Variants in SNX13 observed in about 807,000 individuals in gnomAD.
SNX13 encodes sorting nexin 13.
A neutral mutation model predicts 133.6 loss-of-function variants in SNX13; 45 were observed. The observed-to-expected ratio is 0.34, with a 90% confidence interval of 0.27 to 0.43. The LOEUF (loss-of-function observed/expected upper bound fraction) is 0.43, where lower values mean the gene tolerates loss of function less well. Ranked by LOEUF, SNX13 falls within the 20% of genes least tolerant of loss-of-function variation. The probability of loss-of-function intolerance (pLI) is 1.00; values close to 1 mark genes in which losing one functional copy is unlikely to be tolerated. For missense variants in SNX13, 1,032 were observed against 1,145.1 expected, an observed-to-expected ratio of 0.90 and a Z score of 1.43; for synonymous variants, 414 against 373.9, an observed-to-expected ratio of 1.11 and a Z score of -1.24.
intron 1 of SNX13, among the ~76,000 whole-genome samples, chr7:17,919,566 A>G (rs746227694): frequency 2.0e-5 from 3 of 152,216 alleles, no homozygotes; most frequent in African/African-American, 4.8e-5. Flanking sequence ...AACTGTATCT[A>G]TAAAACACAA....
intron 1 of SNX13, among the ~76,000 whole-genome samples, chr7:17,937,478 C>A (rs1397518970): frequency 7.1e-6 from 1 of 140,160 alleles, no homozygotes; most frequent in African/African-American, 2.7e-5. Flanking sequence ...CGCGCCACTG[C>A]ACTCCAGCCT....
chr7:17,935,052 G>T (rs1801864833), intron 1 of SNX13, among the ~76,000 whole-genome samples: 1 of 152,134 alleles, frequency 6.6e-6, no homozygotes. Context: ...TCAATATGTT[G>T]AAAGGATATC....
Position 17,905,444 on chromosome 7 carries a change from TG to T in SNX13, c.13-7999del, listed in dbSNP as rs557558525. ...ATACCACATTGATTCACAGAGTGTT[TG>T]GGGAATACAGAAAAGATAATGCCTT... On this transcript the variant is annotated intron_variant, in intron 1 of 25. Coordinates refer to ENST00000428135, the MANE Select transcript of SNX13 (RefSeq NM_015132.5). Among the ~76,000 whole-genome samples the T allele has an allele frequency of 4.9e-3, 746 of 152,324 alleles. 5 individuals carry two copies. The highest frequency in any genetic ancestry group is 0.017 in the African/African-American group (718 of 41,574).
At chr7:17,913,283 C>A (rs1799197822) in intron 1 of SNX13, among the ~76,000 whole-genome samples, 2 of 152,172 alleles carry the variant, frequency 1.3e-5, no homozygotes, top group African/African-American at 4.8e-5. Context: ...CCCACCACTC[C>A]CCAGTGCACT....
At chr7:17,828,284 A>G (rs1444400466) in intron 16 of SNX13, among the ~76,000 whole-genome samples, 16 of 151,806 alleles carry the variant, frequency 1.1e-4, no homozygotes, top group Admixed American at 9.9e-4. Context: ...ATTAAAAGAC[A>G]ATTGTGATTT....
Position 17,875,657 on chromosome 7 carries a change from T to G in SNX13, c.562+12A>C. 4 of 1,608,254 alleles carry G rather than the reference T, an allele frequency of 2.5e-6. No individual in the cohort carries two copies. The highest frequency in any genetic ancestry group is 3.4e-6 in the Non-Finnish European group (4 of 1,177,218). On this transcript the variant is annotated intron_variant, in intron 6 of 25. Coordinates refer to ENST00000428135, the MANE Select transcript of SNX13 (RefSeq NM_015132.5). ...TTCAAATCCTAGTTTTCAAATGGAA[T>G]AAAGATATTACCTTTCACTTGATCA...
At chr7:17,824,492 A>G (rs542639365) in intron 17 of SNX13, among the ~76,000 whole-genome samples, 1 of 152,296 alleles carries the variant, frequency 6.6e-6, no homozygotes, top group East Asian at 1.9e-4. Context: ...AATGTAATGA[A>G]TTAGTTCCAT....
intron 9 of SNX13, among the ~76,000 whole-genome samples, chr7:17,857,063 C>T (rs1791998691): frequency 6.6e-6 from 1 of 151,956 alleles, no homozygotes; most frequent in African/African-American, 2.4e-5. Flanking sequence ...TATACTACAA[C>T]TGATACAACT....
chr7:17,831,266 A>G (rs1468241045), intron 15 of SNX13: 2 of 981,410 alleles, frequency 2.0e-6, no homozygotes, highest in African/African-American at 3.5e-5. Context: ...ATTAGAAAAC[A>G]AAAGAAAGCA....
Position 17,834,105 on chromosome 7 carries a change from TC to T in SNX13, c.1543del (p.Glu515SerfsTer5). The T allele has an allele frequency of 6.3e-7, 1 of 1,591,538 alleles. No individual in the cohort carries two copies. The highest frequency in any genetic ancestry group is 8.6e-7 in the Non-Finnish European group (1 of 1,166,032). ...ACTAGGATCTTTTAACATGTCAAGC[TC>T]AGCTAACATGCGCACATAAAGTGCA... Reference protein sequence around the residue: ...QNALYVRMLAELDMLKDPSFR... With the variant: ...QNALYVRMLAXLDMLKDPSFR... On this transcript the variant is annotated frameshift_variant, in exon 15 of 26. Transcript: ENST00000428135. LOFTEE classifies it high-confidence loss of function.
intron 5 of SNX13, among the ~76,000 whole-genome samples, chr7:17,883,411 C>T (rs1390060765): frequency 1.3e-5 from 2 of 152,130 alleles, no homozygotes; most frequent in Non-Finnish European, 2.9e-5. Flanking sequence ...ATGTTAACTA[C>T]TTTAGTAAAC....
chr7:17,890,176 C>T (rs1796476265), intron 5 of SNX13, 187 bp downstream of exon 5: 3 of 451,634 alleles, frequency 6.6e-6, no homozygotes, highest in Non-Finnish European at 1.1e-5. Context: ...CTGTAAAAAC[C>T]TAAAATCTGG....
At chr7:17,867,666 C>T (rs1014558976) in intron 9 of SNX13, among the ~76,000 whole-genome samples, 1 of 151,456 alleles carries the variant, frequency 6.6e-6, no homozygotes, top group African/African-American at 2.4e-5. Context: ...TCTGACAATG[C>T]CTAAGGGAAA....
At chr7:17,798,578 A>G in intron 24 of SNX13, 112 bp downstream of exon 24, 1 of 772,898 alleles carries the variant, frequency 1.3e-6, no homozygotes. Context: ...CATCAATGAT[A>G]ACTAAACCAA....
intron 20 of SNX13, among the ~76,000 whole-genome samples, chr7:17,808,033 A>G (rs1785523995): frequency 6.6e-6 from 1 of 152,154 alleles, no homozygotes; most frequent in South Asian, 2.1e-4. Flanking sequence ...AATTCCAAAA[A>G]CCAGAACGCA....
intron 1 of SNX13, among the ~76,000 whole-genome samples, chr7:17,925,827 G>A (rs1306940618): frequency 6.6e-6 from 1 of 152,110 alleles, no homozygotes; most frequent in Non-Finnish European, 1.5e-5. Flanking sequence ...AGAAAAAGAG[G>A]AGAAAGTGGA....
chr7:17,801,041 T>TATATATATCC, intron 22 of SNX13, among the ~76,000 whole-genome samples: 1 of 23,498 alleles, frequency 4.3e-5, no homozygotes, highest in African/African-American at 1.3e-4. Context: ...TATATATATA[T>TATATATATCC]ATATATATAT....
At chr7:17,851,121 A>G (rs1408153083) in intron 9 of SNX13, among the ~76,000 whole-genome samples, 157 bp from the exon 10 acceptor site, 1 of 152,228 alleles carries the variant, frequency 6.6e-6, no homozygotes, top group East Asian at 1.9e-4. Context: ...CTATTTTCCA[A>G]TGGATCTTAG....
At chr7:17,940,234 C>G in intron 1 of SNX13, 50 bp downstream of exon 1, 27 of 1,552,028 alleles carry the variant, frequency 1.7e-5, no homozygotes, top group Non-Finnish European at 2.4e-5. Flanking sequence ...GGGCTGGCGC[C>G]GGCCCCTTCC....
Sources: gnomAD v4.1 joint callset for allele counts (sites outside exome capture counted in the v4.1 genomes callset) on GRCh38, gnomAD v4.1.1 for gene constraint, MANE v1.5 for transcripts, NCBI Gene and HGNC (gene_info 2026-07-23, HGNC 2026-07-21) for gene names.